LUZP2: variants seen among roughly 807,000 people sequenced by gnomAD.
LUZP2 encodes leucine zipper protein 2.
In LUZP2, 52 loss-of-function variants were observed where a neutral mutation model predicts 51.6. That is an observed-to-expected ratio of 1.01 (90% confidence interval 0.81 to 1.27). The LOEUF (loss-of-function observed/expected upper bound fraction) is 1.27, where lower values mean the gene tolerates loss of function less well. Ranked by LOEUF, LUZP2 falls within the 50% of genes most tolerant of loss-of-function variation. LUZP2 has a pLI of 0.00. For synonymous variants in LUZP2, 154 were observed against 137.3 expected (o/e 1.12, Z -0.85); for missense variants, 436 against 395.4 (o/e 1.10, Z -0.87).
chr11:24,819,383 A>G (rs1850288127), intron 5 of LUZP2, among the ~76,000 whole-genome samples: 1 of 152,074 alleles, frequency 6.6e-6, no homozygotes, highest in African/African-American at 2.4e-5. Context: ...CCATATGAGA[A>G]AAAACACTAG....
chr11:24,599,875 G>T (rs1046802163), intron 1 of LUZP2, among the ~76,000 whole-genome samples: 2 of 151,956 alleles, frequency 1.3e-5, no homozygotes, highest in Admixed American at 6.6e-5. Context: ...AATTTTTCAC[G>T]ACTCAAAGTT....
intron 6 of LUZP2, among the ~76,000 whole-genome samples, chr11:24,906,377 TC>T (rs779125231): frequency 2.0e-5 from 3 of 151,934 alleles, no homozygotes; most frequent in Admixed American, 6.6e-5. Flanking sequence ...CTTTTTTTTT[TC>T]CCCTCTCTTG....
intron 1 of LUZP2, among the ~76,000 whole-genome samples, chr11:24,634,231 A>C (rs1854995510): frequency 6.6e-6 from 1 of 152,070 alleles, no homozygotes; most frequent in African/African-American, 2.4e-5. Context: ...TTGGTGAAAC[A>C]TGGCAATAAA....
intron 1 of LUZP2, among the ~76,000 whole-genome samples, chr11:24,670,083 A>G (rs1187837806): frequency 6.6e-6 from 1 of 152,074 alleles, no homozygotes; most frequent in African/African-American, 2.4e-5. Context: ...GTTTACACTG[A>G]AGGAGTATAA....
chr11:24,662,358 G>T (rs1175365729), intron 1 of LUZP2, among the ~76,000 whole-genome samples: 1 of 151,784 alleles, frequency 6.6e-6, no homozygotes, highest in Non-Finnish European at 1.5e-5. Flanking sequence ...AATATTAAAA[G>T]GCCTACACTT....
chr11:24,743,307 C>G (rs1003780565), intron 4 of LUZP2, among the ~76,000 whole-genome samples: 1 of 152,028 alleles, frequency 6.6e-6, no homozygotes, highest in Non-Finnish European at 1.5e-5. Context: ...AATATTGATT[C>G]TACCCATCCA....
intron 1 of LUZP2, among the ~76,000 whole-genome samples, chr11:24,613,274 C>T (rs1186264314): frequency 6.6e-6 from 1 of 152,058 alleles, no homozygotes; most frequent in Non-Finnish European, 1.5e-5. Context: ...GATGTTAAAA[C>T]ATAAACAGAT....
rs148297176 is a variant in LUZP2 at position 24,698,466 on chromosome 11, A to T, written c.63-30703A>T. On this transcript the variant is annotated intron_variant, in intron 1 of 11. Transcript: ENST00000336930. The stretch of plus-strand genomic sequence containing the variant: ...TCTTCAGAATCATACTGGCAAAGCC[A>T]TATTTTATCTCCTTTTATAGTTCTT... Among the ~76,000 whole-genome samples, 557 of 152,308 alleles carry T rather than the reference A, an allele frequency of 3.7e-3. 2 individuals are homozygous for T. The highest frequency in any genetic ancestry group is 0.013 in the African/African-American group (542 of 41,560).
intron 1 of LUZP2, among the ~76,000 whole-genome samples, chr11:24,504,451 G>C (rs905262847): frequency 1.3e-5 from 2 of 152,116 alleles, no homozygotes; most frequent in South Asian, 4.1e-4. Context: ...CATGTTATAA[G>C]CTCTTTGCCT....
chr11:25,003,580 A>C (rs1472442072), intron 9 of LUZP2, among the ~76,000 whole-genome samples: 1 of 152,156 alleles, frequency 6.6e-6, no homozygotes, highest in African/African-American at 2.4e-5. Flanking sequence ...GGACTGTTGC[A>C]TTTCCTTACT....
rs191478219 is a variant in LUZP2 at position 24,666,549 on chromosome 11, T to G, written c.63-62620T>G. 5.3e-5 allele frequency among the ~76,000 whole-genome samples: 8 copies of G among 152,198 alleles called. No individual in the cohort carries two copies. In the East Asian group the frequency reaches 1.5e-3, roughly 29 times the overall value. ...GAAAATAGCTCCTGAGATTCAAATG[T>G]GAAGTCAAGATGAATGCAGGAGCTA... On this transcript the variant is annotated intron_variant, in intron 1 of 11. Coordinates refer to ENST00000336930, the MANE Select transcript of LUZP2 (RefSeq NM_001009909.4).
At chr11:24,844,132 A>G (rs1851123028) in intron 5 of LUZP2, among the ~76,000 whole-genome samples, 1 of 152,186 alleles carries the variant, frequency 6.6e-6, no homozygotes, top group African/African-American at 2.4e-5. Flanking sequence ...AGGTGGAAAA[A>G]TGTGGGAAAG....
intron 1 of LUZP2, among the ~76,000 whole-genome samples, chr11:24,548,360 C>G (rs977535392): frequency 1.3e-5 from 2 of 152,088 alleles, no homozygotes; most frequent in African/African-American, 2.4e-5. Context: ...CCATGGAATA[C>G]TATGCAGCCA....
At chr11:24,817,095 T>G (rs934999544) in intron 5 of LUZP2, among the ~76,000 whole-genome samples, 17 of 152,044 alleles carry the variant, frequency 1.1e-4, no homozygotes, top group African/African-American at 4.1e-4. Flanking sequence ...TAGGCATCAT[T>G]CTTTGGTAAT....
rs199960455 is a variant in LUZP2 at position 25,050,116 on chromosome 11, T to C, written c.844T>C (p.Cys282Arg). The C allele has an allele frequency of 5.1e-5, 81 of 1,595,804 alleles. No homozygotes were observed. The East Asian group carries it at 1.4e-3, about 28-fold the overall frequency. Residue 282 changes from cysteine to arginine, a missense_variant, in exon 10 of 12, where the codon TGT (cysteine) becomes CGT (arginine). Transcript: ENST00000336930. ...GGAAGGAAATCCAAGTACCACTGCC[T>C]GTGACTCTCAAGATGTAAGAAAAAC... ...TKEGNPSTTA[C>R]DSQDEGRPCS...
At chr11:24,863,113 C>G (rs1310818466) in intron 5 of LUZP2, among the ~76,000 whole-genome samples, 1 of 152,112 alleles carries the variant, frequency 6.6e-6, no homozygotes, top group Non-Finnish European at 1.5e-5. Flanking sequence ...GAAATTTAAA[C>G]TGGTGAGGCT....
chr11:24,631,003 T>G (rs185751819), intron 1 of LUZP2, among the ~76,000 whole-genome samples: 274 of 152,158 alleles, frequency 1.8e-3, no homozygotes, highest in South Asian at 2.7e-3. Context: ...TAGATCATTA[T>G]TGGTGTATAG....
chr11:24,805,118 G>A (rs1849815704), intron 5 of LUZP2, among the ~76,000 whole-genome samples: 1 of 151,468 alleles, frequency 6.6e-6, no homozygotes, highest in South Asian at 2.1e-4. Flanking sequence ...TCAACTAACA[G>A]ATCCACATGA....
At chr11:24,559,811 A>G (rs1001461129) in intron 1 of LUZP2, among the ~76,000 whole-genome samples, 3 of 152,314 alleles carry the variant, frequency 2.0e-5, no homozygotes, top group Non-Finnish European at 4.4e-5. Flanking sequence ...ATAGAAAGGG[A>G]TAAACATTTG....
Sources: allele counts gnomAD v4.1 joint callset (sites outside exome capture counted in the v4.1 genomes callset), GRCh38; gene constraint gnomAD v4.1.1; transcripts MANE v1.5; gene names NCBI Gene and HGNC (gene_info 2026-07-23, HGNC 2026-07-21).